The following TLE1 variants were observed in gnomAD, a reference collection of about 807,000 sequenced individuals.
The protein encoded by TLE1 is transducin-like enhancer protein 1.
A neutral mutation model predicts 89.8 loss-of-function variants in TLE1; 21 were observed. The observed-to-expected ratio is 0.23, with a 90% CI of 0.17 to 0.34. TLE1 has a LOEUF of 0.34. TLE1 is among the 10% of genes least tolerant of loss of function. TLE1 has a pLI of 1.00. For synonymous variants in TLE1, 447 were observed against 407.6 expected (o/e 1.10, Z -1.16); for missense variants, 795 against 1,031.2 (o/e 0.77, Z 3.14).
chr9:81,630,212 G>T (rs1428927544), intron 8 of TLE1, among the ~76,000 whole-genome samples: 1 of 151,746 alleles, frequency 6.6e-6, no homozygotes, highest in African/African-American at 2.4e-5. Context: ...ATCCCTTAAG[G>T]GTCCCGGAGA....
chr9:81,596,250 A>G (rs1341851509), intron 14 of TLE1, among the ~76,000 whole-genome samples: 1 of 152,164 alleles, frequency 6.6e-6, no homozygotes, highest in African/African-American at 2.4e-5. Flanking sequence ...TTGATTCACA[A>G]TGCAGCGAGC....
chr9:81,664,918 T>C (rs1317546750), intron 4 of TLE1, among the ~76,000 whole-genome samples: 1 of 152,220 alleles, frequency 6.6e-6, no homozygotes, highest in Non-Finnish European at 1.5e-5. Context: ...GCTCTTGGAC[T>C]GGGGAACATG....
At chr9:81,648,615 A>G (rs1829164456) in intron 6 of TLE1, among the ~76,000 whole-genome samples, 1 of 152,222 alleles carries the variant, frequency 6.6e-6, no homozygotes, top group African/African-American at 2.4e-5. Context: ...ACTGAAATCA[A>G]TTATTCAATA....
chr9:81,628,169 T>C (rs1018082914), intron 8 of TLE1, among the ~76,000 whole-genome samples: 2 of 152,212 alleles, frequency 1.3e-5, no homozygotes, highest in Non-Finnish European at 2.9e-5. Context: ...ACTCTGCAAA[T>C]GGCGGTGGGA....
At position 81,587,918 on chromosome 9, in the gene TLE1, G is replaced by GTGTGTGTGTCATCCCGCC. The variant is rs1317120472; in HGVS notation, c.1830-91_1830-90insGGCGGGATGACACACACA. 773 of 908,408 alleles carry GTGTGTGTGTCATCCCGCC rather than the reference G, an allele frequency of 8.5e-4. 37 individuals carry two copies. The highest frequency in any genetic ancestry group is 3.8e-3 in the African/African-American group (226 of 58,726). The allele number at this position is 908,408 out of a possible 1,614,324, so 56.3% of individuals were successfully genotyped here. On this transcript the variant is annotated intron_variant, in intron 16 of 19. Coordinates refer to ENST00000376499, the MANE Select transcript of TLE1 (RefSeq NM_005077.5). ...TGTTAGTTTTGGACCGTGTGTGTGT[G>GTGTGTGTGTCATCCCGCC]TGTGTGTGTGTGTGTGTGTGTGTGT...
intron 8 of TLE1, chr9:81,620,833 T>C (rs1825144429): frequency 1.9e-6 from 2 of 1,052,724 alleles, no homozygotes; most frequent in East Asian, 6.9e-5. Context: ...GTTTGAGAAA[T>C]AGGAGCTTGC....
chr9:81,669,166 A>C (rs1831884076), intron 4 of TLE1, among the ~76,000 whole-genome samples: 1 of 152,230 alleles, frequency 6.6e-6, no homozygotes, highest in African/African-American at 2.4e-5. Context: ...GTAATCCACC[A>C]GGGAATAAAG....
chr9:81,654,105 C>T, intron 4 of TLE1, 69 bp from the exon 5 acceptor site: 1 of 1,435,576 alleles, frequency 7.0e-7, no homozygotes, highest in South Asian at 1.2e-5. Context: ...AAACTTCATA[C>T]CCCTAACACT....
chr9:81,628,313 A>G (rs992302662), intron 8 of TLE1, among the ~76,000 whole-genome samples: 2 of 152,188 alleles, frequency 1.3e-5, no homozygotes, highest in Admixed American at 6.5e-5. Flanking sequence ...AGGATGAAAA[A>G]GCCTTGCCTG....
At chr9:81,625,507 G>A (rs926330275) in intron 8 of TLE1, among the ~76,000 whole-genome samples, 5 of 152,106 alleles carry the variant, frequency 3.3e-5, no homozygotes, top group Non-Finnish European at 5.9e-5. Flanking sequence ...GATAATTGGC[G>A]AAGTGTTTGA....
chr9:81,600,158 A>G (rs1379659765), intron 14 of TLE1: 2 of 710,068 alleles, frequency 2.8e-6, no homozygotes, highest in Non-Finnish European at 5.2e-6. Context: ...TCTTGGATGG[A>G]AAGTAAAACA....
intron 4 of TLE1, among the ~76,000 whole-genome samples, chr9:81,684,384 CATT>C (rs1317967644): frequency 4.1e-5 from 6 of 147,590 alleles, no homozygotes; most frequent in Admixed American, 1.4e-4. Flanking sequence ...GGCCCAATTA[CATT>C]ATTAATAAAA....
chr9:81,634,039 T>C, intron 7 of TLE1, 58 bp downstream of exon 7: 1 of 1,539,410 alleles, frequency 6.5e-7, no homozygotes, highest in Non-Finnish European at 8.8e-7. Flanking sequence ...GCACACAACT[T>C]TGCAGCACTG....
Position 81,661,219 on chromosome 9 carries a change from T to C in TLE1, c.235-7183A>G, listed in dbSNP as rs933496788. Among the ~76,000 whole-genome samples, 5 of 141,852 alleles carry C rather than the reference T, an allele frequency of 3.5e-5. No individual in the cohort carries two copies. In the East Asian group the frequency reaches 7.8e-4, roughly 22 times the overall value. The allele number at this position is 141,852 out of a possible 152,430, so 93.1% of individuals were successfully genotyped here. On this transcript the variant is annotated intron_variant, in intron 4 of 19. Coordinates refer to ENST00000376499, the MANE Select transcript of TLE1 (RefSeq NM_005077.5). ...ATATATGTATTTTTATATATATATA[T>C]ATCTTTTTTTCAAGATATGGTCTTC...
chr9:81,587,907 C>CGTGTA, intron 16 of TLE1, 79 bp from the exon 17 acceptor site: 1 of 752,286 alleles, frequency 1.3e-6, no homozygotes, highest in Non-Finnish European at 2.0e-6. Flanking sequence ...AGTTTTGGAC[C>CGTGTA]GTGTGTGTGT....
rs1462335117 is a variant in TLE1, at chr9:81,590,992, C to G, written c.1642G>C (p.Gly548Arg). The change falls in exon 16 of 20, where the codon GGA becomes CGA. Residue 548 changes from glycine (G) to arginine (R), a missense_variant. Gly to Arg is a moderately radical substitution (Grantham distance 125). Around this residue, in one of 4 missense-constraint regions of TLE1, gnomAD observed 214 missense variants for 354.9 expected, o/e 0.60. Transcript: ENST00000376499. ...LLPDGCTLIV[G>R]GEASTLSIWD... ...ATGGACAAAGTACTGGCTTCCCCTC[C>G]CACTATGAGAGTGCAGCCATCGGGT... is the stretch of plus-strand genomic sequence containing the variant. The G allele has an allele frequency of 6.2e-7, 1 of 1,614,244 alleles. No individual in the cohort carries two copies. The highest frequency in any genetic ancestry group is 8.5e-7 in the Non-Finnish European group (1 of 1,180,044).
intron 4 of TLE1, among the ~76,000 whole-genome samples, chr9:81,665,197 T>A (rs969585985): frequency 6.6e-6 from 1 of 152,154 alleles, no homozygotes; most frequent in African/African-American, 2.4e-5. Flanking sequence ...AGGAACACAT[T>A]TGCCTTCTGT....
rs1834682668 is a variant in TLE1, at chr9:81,688,676, T to C, written c.-436A>G. The C allele has an allele frequency of 6.1e-6, 1 of 164,048 alleles. No individual in the cohort carries two copies. Among genetic ancestry groups the C allele is most frequent in the East Asian group, 1.7e-4 (1 of 5,820 alleles). The allele number at this position is 164,048 out of a possible 1,614,324, so 10.2% of individuals were successfully genotyped here. ...CAGACGGACTGCTTTTCTTTGCTCT[T>C]CTCCTGGTCCGCCTCCTCTTCGGGC... On this transcript the variant is annotated 5_prime_UTR_variant, in exon 1 of 20. Coordinates refer to ENST00000376499, the MANE Select transcript of TLE1 (RefSeq NM_005077.5).
chr9:81,680,611 G>A (rs1833489869), intron 4 of TLE1, among the ~76,000 whole-genome samples: 1 of 152,154 alleles, frequency 6.6e-6, no homozygotes, highest in South Asian at 2.1e-4. Context: ...GGTGGGGAAG[G>A]TGACTGAGAG....
Sources: allele counts gnomAD v4.1 joint callset (sites outside exome capture counted in the v4.1 genomes callset), GRCh38; gene constraint gnomAD v4.1.1; regional missense constraint gnomAD v4.1.1; transcripts MANE v1.5; gene names NCBI Gene and HGNC (gene_info 2026-07-23, HGNC 2026-07-21).